PPP1CB: variants seen among roughly 807,000 people sequenced by gnomAD.
PPP1CB encodes serine/threonine-protein phosphatase PP1-beta catalytic subunit.
Under a neutral mutation model 43.7 loss-of-function variants are expected in PPP1CB, and 2 were observed. That is an observed-to-expected ratio of 0.05 (90% CI 0.02 to 0.14). PPP1CB has a LOEUF of 0.14. PPP1CB is among the 10% of genes least tolerant of loss of function. PPP1CB has a pLI of 1.00. For synonymous variants in PPP1CB, 136 were observed against 135.6 expected, an observed-to-expected ratio of 1.00 and a Z score of -0.02; for missense variants, 84 against 398.0, an observed-to-expected ratio of 0.21 and a Z score of 6.71.
At chr2:28,772,881 C>T (rs919951084) in intron 1 of PPP1CB, among the ~76,000 whole-genome samples, 9 of 152,184 alleles carry the variant, frequency 5.9e-5, no homozygotes, top group African/African-American at 1.2e-4. Context: ...TAGGGATACT[C>T]AGCCTGTATT....
chr2:28,792,436 T>G (rs1160198462), intron 6 of PPP1CB, among the ~76,000 whole-genome samples: 1 of 151,840 alleles, frequency 6.6e-6, no homozygotes, highest in Non-Finnish European at 1.5e-5. Context: ...TGGGAAGATC[T>G]CTTGAGCCCC....
At chr2:28,771,316 G>A (rs1226607816) in intron 1 of PPP1CB, among the ~76,000 whole-genome samples, 1 of 152,042 alleles carries the variant, frequency 6.6e-6, no homozygotes, top group Non-Finnish European at 1.5e-5. Flanking sequence ...CTCCCAAAGT[G>A]CTGGGATTAC....
rs754933712 is a variant in PPP1CB at position 28,793,853 on chromosome 2, C to G, written c.745-10C>G. The G allele has an allele frequency of 2.5e-6, 4 of 1,613,366 alleles. No individual in the cohort carries two copies. The highest frequency in any genetic ancestry group is 3.4e-6 in the Non-Finnish European group (4 of 1,179,534). On this transcript the variant is annotated splice_polypyrimidine_tract_variant and intron_variant, in intron 6 of 7. Transcript: ENST00000395366. ...ATAAATGTTTTTTCTTCTGACATTT[C>G]CTTTGACAGGTGGTGGAAGATGGAT...
intron 1 of PPP1CB, among the ~76,000 whole-genome samples, chr2:28,757,022 T>C (rs1220083531): frequency 3.9e-5 from 6 of 152,098 alleles, no homozygotes; most frequent in Non-Finnish European, 8.8e-5. Context: ...CAAAAAACCC[T>C]GTTCCCGGTA....
At position 28,802,444 on chromosome 2, in the gene PPP1CB, G is replaced by A. The variant is rs567423179; in HGVS notation, c.*3141G>A. 4 of 152,298 alleles carry A rather than the reference G, an allele frequency of 2.6e-5. No individual in the cohort carries two copies. Among genetic ancestry groups the A allele is most frequent in the African/African-American group, 9.6e-5 (4 of 41,564 alleles). The allele number at this position is 152,298 out of a possible 1,614,324, so 9.4% of individuals were successfully genotyped here. ...CCATGGCTAAATCAAAGCTGCCCCT[G>A]AGAAGAGACTTAATCCAAGCCTGAT... On this transcript the variant is annotated 3_prime_UTR_variant, in exon 8 of 8. Transcript: ENST00000395366.
chr2:28,764,591 A>G (rs1666740033), intron 1 of PPP1CB, among the ~76,000 whole-genome samples: 1 of 152,152 alleles, frequency 6.6e-6, no homozygotes, highest in African/African-American at 2.4e-5. Flanking sequence ...TAGGATGTCT[A>G]GATTTAACTG....
chr2:28,784,043 T>G, intron 5 of PPP1CB, 65 bp downstream of exon 5: 1 of 1,238,322 alleles, frequency 8.1e-7, no homozygotes, highest in Non-Finnish European at 1.2e-6. Context: ...TTGATTACAT[T>G]TAGTGGAAGT....
At position 28,756,578 on chromosome 2, in the gene PPP1CB, G is replaced by A. The variant is rs376974791; in HGVS notation, c.52+4402G>A. Among the ~76,000 whole-genome samples the A allele has an allele frequency of 2.0e-4, 31 of 152,294 alleles. No individual in the cohort carries two copies. The East Asian group carries it at 5.2e-3, about 26-fold the overall frequency. On this transcript the variant is annotated intron_variant, in intron 1 of 7. Transcript: ENST00000395366. ...GGCTCACTGCAGCCTCGACTTCCTG[G>A]TCTCAATCGATCCTTCTGCCTCAAC...
chr2:28,762,904 T>G (rs1435877568), intron 1 of PPP1CB, among the ~76,000 whole-genome samples: 1 of 152,242 alleles, frequency 6.6e-6, no homozygotes, highest in Non-Finnish European at 1.5e-5. Context: ...TGGTGCTGAT[T>G]ACAAGGTTTC....
chr2:28,791,932 G>T (rs1019911949), intron 6 of PPP1CB, among the ~76,000 whole-genome samples: 1 of 151,946 alleles, frequency 6.6e-6, no homozygotes, highest in African/African-American at 2.4e-5. Context: ...CTTTAAAAAA[G>T]AAAATTTGAA....
intron 1 of PPP1CB, among the ~76,000 whole-genome samples, chr2:28,772,359 A>G (rs1018530116): frequency 1.3e-5 from 2 of 152,210 alleles, no homozygotes; most frequent in East Asian, 3.8e-4. Context: ...AATTAAATCC[A>G]ACGAATACCA....
intron 3 of PPP1CB, among the ~76,000 whole-genome samples, chr2:28,779,547 T>G (rs1457476268): frequency 6.6e-6 from 1 of 152,308 alleles, no homozygotes; most frequent in Non-Finnish European, 1.5e-5. Flanking sequence ...TCTTTTTCAT[T>G]AGTAGGAAAT....
chr2:28,765,578 A>G (rs1666762359), intron 1 of PPP1CB, among the ~76,000 whole-genome samples: 2 of 152,252 alleles, frequency 1.3e-5, no homozygotes, highest in East Asian at 1.9e-4. Context: ...TTGTGTGGGA[A>G]TGAAGATCTC....
chr2:28,771,720 A>G (rs1161822921), intron 1 of PPP1CB, among the ~76,000 whole-genome samples: 1 of 152,152 alleles, frequency 6.6e-6, no homozygotes, highest in African/African-American at 2.4e-5. Context: ...ACCATACACA[A>G]AATTAATTTG....
intron 7 of PPP1CB, among the ~76,000 whole-genome samples, 184 bp from the exon 8 acceptor site, chr2:28,799,015 A>G (rs1013903442): frequency 7.9e-5 from 12 of 152,114 alleles, no homozygotes; most frequent in Non-Finnish European, 2.9e-5. Flanking sequence ...TGTTATTAAA[A>G]TATGAGTGGA....
chr2:28,784,450 G>T (rs550737724), intron 5 of PPP1CB, among the ~76,000 whole-genome samples: 1 of 151,914 alleles, frequency 6.6e-6, no homozygotes, highest in South Asian at 2.1e-4. Flanking sequence ...AGGGGGTGTG[G>T]GAGGGATTTC....
intron 4 of PPP1CB, chr2:28,782,683 A>C (rs1667179781): frequency 6.6e-6 from 1 of 152,218 alleles, no homozygotes; most frequent in Non-Finnish European, 1.5e-5. Flanking sequence ...ATGGAATCAG[A>C]TTATGGAGAT....
At chr2:28,787,709 A>G (rs57965157) in intron 5 of PPP1CB, among the ~76,000 whole-genome samples, 1,846 of 152,262 alleles carry the variant, frequency 0.012, 26 homozygotes, top group African/African-American at 0.039. Context: ...CTTTCGGGAT[A>G]CGTTTACTAT....
At chr2:28,771,110 G>A (rs1284013891) in intron 1 of PPP1CB, among the ~76,000 whole-genome samples, 1 of 130,734 alleles carries the variant, frequency 7.6e-6, no homozygotes, top group African/African-American at 2.9e-5. Flanking sequence ...CTGCAGTGCA[G>A]TGGCACGATC....
Sources: allele counts gnomAD v4.1 joint callset (sites outside exome capture counted in the v4.1 genomes callset), GRCh38; gene constraint gnomAD v4.1.1; transcripts MANE v1.5; gene names NCBI Gene and HGNC (gene_info 2026-07-23, HGNC 2026-07-21).